JADE3: variants seen among roughly 807,000 people sequenced by gnomAD.
JADE3 encodes jade family PHD finger 3, also known as protein Jade-3.
In JADE3, 2 loss-of-function variants were observed where a neutral mutation model predicts 50.1. The ratio of observed to expected loss-of-function variants is 0.04; its 90% CI spans 0.02 to 0.13. JADE3 has a LOEUF of 0.13. Among genes scored for constraint, JADE3 ranks in the 10% least tolerant of loss-of-function variants. The pLI, the probability that JADE3 is intolerant of heterozygous loss-of-function variation, is 1.00. For synonymous variants in JADE3, 218 were observed against 232.9 expected, an observed-to-expected ratio of 0.94 and a Z score of 0.58; for missense variants, 475 against 634.4, an observed-to-expected ratio of 0.75 and a Z score of 2.70.
chrX:47,031,747 C>T (rs939594690), intron 6 of JADE3, among the ~76,000 whole-genome samples: 4 of 110,599 alleles, frequency 3.6e-5, no homozygotes, highest in Admixed American at 9.6e-5. Flanking sequence ...TGCCTGTGCT[C>T]CTAGGTACTC....
At chrX:46,999,782 A>G (rs1556358587) in intron 4 of JADE3, among the ~76,000 whole-genome samples, 1 of 110,539 alleles carries the variant, frequency 9.0e-6, no homozygotes, top group Non-Finnish European at 1.9e-5. Context: ...TTTGGAAGCC[A>G]TTTTTTCTTT....
intron 1 of JADE3, among the ~76,000 whole-genome samples, chrX:46,932,080 G>A (rs1926510302): frequency 8.9e-6 from 1 of 112,095 alleles, no homozygotes; most frequent in Admixed American, 9.5e-5. Context: ...GTTCTAAAAG[G>A]TGGCCCCCTA....
chrX:46,930,078 T>G lies in JADE3; in HGVS notation c.-12+17359T>G, dbSNP rs781987391. Among the ~76,000 whole-genome samples, 3 of 112,370 alleles carry G rather than the reference T, an allele frequency of 2.7e-5. No individual in the cohort carries two copies. The Admixed American group carries it at 2.8e-4, about 11-fold the overall frequency. On this transcript the variant is annotated intron_variant, in intron 1 of 10. Coordinates refer to ENST00000614628, the MANE Select transcript of JADE3 (RefSeq NM_014735.5). Reference sequence around the variant, plus strand: ...CAAGAGGTGGAGTCTGTTTCTCTACTCCTTGAATCTGGGCTGTCCTTGTGA... The same window carrying G: ...CAAGAGGTGGAGTCTGTTTCTCTACGCCTTGAATCTGGGCTGTCCTTGTGA...
At chrX:46,941,243 G>T (rs1384977151) in intron 1 of JADE3, among the ~76,000 whole-genome samples, 1 of 111,540 alleles carries the variant, frequency 9.0e-6, no homozygotes, top group Non-Finnish European at 1.9e-5. Context: ...CAGAGAACAT[G>T]ATTTCATTCT....
intron 1 of JADE3, among the ~76,000 whole-genome samples, chrX:46,958,012 A>G (rs1227543000): frequency 8.9e-6 from 1 of 111,845 alleles, no homozygotes; most frequent in Non-Finnish European, 1.9e-5. Context: ...TTGCTTTCCC[A>G]GGCGGCTACA....
intron 1 of JADE3, among the ~76,000 whole-genome samples, chrX:46,917,824 T>TC (rs1926124706): frequency 1.8e-5 from 1 of 56,955 alleles, no homozygotes; most frequent in Admixed American, 2.1e-4. Context: ...TCTCTCTCAC[T>TC]CTCTCTCATC....
chrX:47,037,272 C>T (rs1317388262), intron 7 of JADE3, among the ~76,000 whole-genome samples: 1 of 111,652 alleles, frequency 9.0e-6, no homozygotes, highest in Non-Finnish European at 1.9e-5. Flanking sequence ...CTCCTTTCTA[C>T]TTACATTCTG....
chrX:46,996,084 TG>T (rs1556357316), intron 3 of JADE3, among the ~76,000 whole-genome samples: 1 of 112,433 alleles, frequency 8.9e-6, no homozygotes. Context: ...TCGCCCAGGC[TG>T]GAGTGCAGTG....
intron 4 of JADE3, among the ~76,000 whole-genome samples, chrX:47,018,339 C>CTT (rs782308666): frequency 9.7e-6 from 1 of 103,558 alleles, no homozygotes; most frequent in African/African-American, 3.5e-5. Flanking sequence ...AGAGCACTTT[C>CTT]TTTTTTTTTT....
At position 46,982,641 on chromosome X, in the gene JADE3, A is replaced by C. The variant is rs1366466100; in HGVS notation, c.-11-2243A>C. The stretch of plus-strand genomic sequence containing the variant: ...TGCCTGGATTATTTTATTGAAGTCT[A>C]TTTCCTCAACCCCCATTCTCACCCT... On this transcript the variant is annotated intron_variant, in intron 1 of 10. Transcript: ENST00000614628. Among the ~76,000 whole-genome samples, 3 of 110,275 alleles carry C rather than the reference A, an allele frequency of 2.7e-5. No homozygotes were observed. In the East Asian group the frequency reaches 8.5e-4, roughly 31 times the overall value.
intron 1 of JADE3, among the ~76,000 whole-genome samples, chrX:46,984,634 C>A (rs782225524): frequency 6.2e-5 from 7 of 112,275 alleles, no homozygotes; most frequent in Non-Finnish European, 1.9e-5. Flanking sequence ...AGTGCTGTAC[C>A]ACTCATTTGT....
At chrX:46,983,125 C>G (rs368614787) in intron 1 of JADE3, among the ~76,000 whole-genome samples, 13 of 112,304 alleles carry the variant, frequency 1.2e-4, no homozygotes, top group African/African-American at 3.6e-4. Flanking sequence ...GGCTCTTTCC[C>G]TGCTGTCTCT....
At chrX:47,020,342 A>C (rs1928769907) in intron 4 of JADE3, among the ~76,000 whole-genome samples, 1 of 110,719 alleles carries the variant, frequency 9.0e-6, no homozygotes, top group Non-Finnish European at 1.9e-5. Flanking sequence ...AAAAAAAAAA[A>C]AAAGTGTGTC....
intron 4 of JADE3, among the ~76,000 whole-genome samples, chrX:47,022,395 A>C (rs1928815131): frequency 8.9e-6 from 1 of 111,932 alleles, no homozygotes; most frequent in Admixed American, 9.5e-5. Context: ...AAAACTCCAT[A>C]TAGTAGAAAA....
chrX:46,989,961 T>C (rs1927949093), intron 3 of JADE3, among the ~76,000 whole-genome samples: 2 of 110,951 alleles, frequency 1.8e-5, no homozygotes, highest in South Asian at 7.6e-4. Flanking sequence ...TGTTTGTTAA[T>C]TCCATTCATT....
At chrX:46,918,152 C>T (rs887972485) in intron 1 of JADE3, among the ~76,000 whole-genome samples, 7 of 111,373 alleles carry the variant, frequency 6.3e-5, no homozygotes, top group African/African-American at 2.3e-4. Context: ...GCTCATATAG[C>T]TGATGCTTTT....
chrX:46,967,342 A>G (rs1415541574), intron 1 of JADE3, among the ~76,000 whole-genome samples: 2 of 112,026 alleles, frequency 1.8e-5, no homozygotes, highest in African/African-American at 6.5e-5. Flanking sequence ...ACACAGCAAC[A>G]AAGAGTCTTT....
chrX:46,934,384 C>T lies in JADE3; in HGVS notation c.-12+21665C>T, dbSNP rs186007661. Reference sequence around the variant, plus strand: ...CGCGATCTCGGCTCACTGCAAGCTCCGCCTCCCGGGTTCAAGCGATTCTCC... The same window carrying T: ...CGCGATCTCGGCTCACTGCAAGCTCTGCCTCCCGGGTTCAAGCGATTCTCC... On this transcript the variant is annotated intron_variant, in intron 1 of 10. Coordinates refer to ENST00000614628, the MANE Select transcript of JADE3 (RefSeq NM_014735.5). Among the ~76,000 whole-genome samples the T allele has an allele frequency of 2.0e-4, 21 of 107,126 alleles. No individual in the cohort carries two copies. The East Asian group carries it at 5.3e-3, about 27-fold the overall frequency. The allele number at this position is 107,126 out of a possible 115,157, so 93.0% of individuals were successfully genotyped here. A position where few individuals can be genotyped will look rare whatever the true frequency, so the allele number is the denominator to read the frequency against.
chrX:46,950,499 A>C (rs1490473887), intron 1 of JADE3, among the ~76,000 whole-genome samples: 9 of 112,439 alleles, frequency 8.0e-5, no homozygotes, highest in African/African-American at 2.9e-4. Context: ...ATAATATTCC[A>C]TCATGTGGAT....
Sources: allele counts gnomAD v4.1 joint callset (sites outside exome capture counted in the v4.1 genomes callset), GRCh38; gene constraint gnomAD v4.1.1; transcripts MANE v1.5; gene names NCBI Gene and HGNC (gene_info 2026-07-23, HGNC 2026-07-21).